The following ASCL5 variants were observed in gnomAD, a reference collection of about 807,000 sequenced individuals.
The protein encoded by ASCL5 is achaete-scute family bHLH transcription factor 5, also known as achaete-scute homolog 5.
For synonymous variants in ASCL5, 124 were observed against 131.5 expected, an observed-to-expected ratio of 0.94 and a Z score of 0.39; for missense variants, 262 against 268.9, an observed-to-expected ratio of 0.97 and a Z score of 0.18.
At chr1:201,119,902 G>T (rs1663414705) in intron 1 of ASCL5, among the ~76,000 whole-genome samples, 1 of 152,056 alleles carries the variant, frequency 6.6e-6, no homozygotes, top group Admixed American at 6.5e-5. Flanking sequence ...TTTTTAAGGG[G>T]CCCTGGTTCC....
intron 1 of ASCL5, among the ~76,000 whole-genome samples, chr1:201,120,814 A>T (rs1371259410): frequency 6.6e-6 from 1 of 152,208 alleles, no homozygotes; most frequent in African/African-American, 2.4e-5. Flanking sequence ...AAGTGATTCC[A>T]TAGTCTTCTT....
At position 201,114,722 on chromosome 1, in the gene ASCL5, C is replaced by T; in HGVS notation, c.*30G>A. 8.1e-7 allele frequency: 1 copy of T among 1,230,388 alleles called. No individual in the cohort carries two copies. Among genetic ancestry groups the T allele is most frequent in the Non-Finnish European group, 1.0e-6 (1 of 987,070 alleles). 76.2% of individuals were successfully genotyped at this position (1,230,388 alleles called of 1,614,324 possible). A position where few individuals can be genotyped will look rare whatever the true frequency, so the allele number is the denominator to read the frequency against. ...AAGTGGGACGGGGCCGGCGGATCATCCTCCAAGCCGGGGGCGGCCACAGGC... is the reference window on the plus strand; with the variant it reads ...AAGTGGGACGGGGCCGGCGGATCATTCTCCAAGCCGGGGGCGGCCACAGGC... On this transcript the variant is annotated 3_prime_UTR_variant, in exon 2 of 2. Coordinates refer to ENST00000449188, the MANE Select transcript of ASCL5 (RefSeq NM_001270601.2).
rs1663322879 is a variant in ASCL5 at position 201,115,576 on chromosome 1, T to G, written c.-204A>C. On this transcript the variant is annotated 5_prime_UTR_variant, in exon 2 of 2. Coordinates refer to ENST00000449188, the MANE Select transcript of ASCL5 (RefSeq NM_001270601.2). ...CATCGCCCTAGACAAGTGTGGCCCC[T>G]CTCAGGAGGTCGGTGCACGCCTTCT... is the stretch of plus-strand genomic sequence containing the variant. 1 of 389,566 alleles carries G rather than the reference T, an allele frequency of 2.6e-6. No individual in the cohort carries two copies. The highest frequency in any genetic ancestry group is 3.8e-5 in the East Asian group (1 of 26,546). 24.1% of individuals were successfully genotyped at this position (389,566 alleles called of 1,614,324 possible). A position where few individuals can be genotyped will look rare whatever the true frequency, so the allele number is the denominator to read the frequency against.
chr1:201,124,125 C>A (rs1253256735), intron 1 of ASCL5, among the ~76,000 whole-genome samples: 1 of 152,174 alleles, frequency 6.6e-6, no homozygotes, highest in Non-Finnish European at 1.5e-5. Flanking sequence ...TCAAAGAAGA[C>A]AAAGAGGAAG....
chr1:201,115,036 C>T lies in ASCL5; in HGVS notation c.337G>A (p.Ala113Thr). 1.3e-5 allele frequency: 16 copies of T among 1,232,080 alleles called. No homozygotes were observed. The highest frequency in any genetic ancestry group is 1.6e-5 in the Non-Finnish European group (16 of 988,270). The allele number at this position is 1,232,080 out of a possible 1,614,324, so 76.3% of individuals were successfully genotyped here. Residue 113 changes from alanine to threonine, a missense_variant, in exon 2 of 2, where the codon GCC (alanine) becomes ACC (threonine). By Grantham distance (58) the Ala-to-Thr change is moderately conservative. Coordinates refer to ENST00000449188, the MANE Select transcript of ASCL5 (RefSeq NM_001270601.2). The stretch of plus-strand genomic sequence containing the variant: ...TTGCTGAGTCGCTTCTCAGCCAGGG[C>T]GCCGGGGAGGTGGCCGCGGAGGCGA... ...YARLRGHLPG[A>T]LAEKRLSKVE...
At chr1:201,121,088 G>T (rs1018625095) in intron 1 of ASCL5, among the ~76,000 whole-genome samples, 1 of 152,156 alleles carries the variant, frequency 6.6e-6, no homozygotes. Context: ...GCAGCTCCCC[G>T]CATTTCCCTC....
intron 1 of ASCL5, among the ~76,000 whole-genome samples, chr1:201,124,217 A>G (rs1663534407): frequency 6.6e-6 from 1 of 152,250 alleles, no homozygotes; most frequent in Non-Finnish European, 1.5e-5. Flanking sequence ...TGAATCCCAG[A>G]AATTCAAGCT....
At position 201,115,145 on chromosome 1, in the gene ASCL5, G is replaced by T. The variant is rs1210404301; in HGVS notation, c.228C>A (p.Tyr76Ter). 3 of 1,231,610 alleles carry T rather than the reference G, an allele frequency of 2.4e-6. No individual in the cohort carries two copies. The highest frequency in any genetic ancestry group is 3.0e-6 in the Non-Finnish European group (3 of 987,978). The allele number at this position is 1,231,610 out of a possible 1,614,324, so 76.3% of individuals were successfully genotyped here. A position where few individuals can be genotyped will look rare whatever the true frequency, so the allele number is the denominator to read the frequency against. Residue 76 changes from tyrosine (Y) to a stop codon, truncating the protein, a stop_gained, in exon 2 of 2, where the codon TAC becomes TAA. Transcript: ENST00000449188. LOFTEE classifies it low-confidence loss of function (END_TRUNC). The part of the protein sequence containing the change: ...YVPFPGAFGV[Y>*]EYPFEPAFIQ... ...TGAAGGCTGGCTCGAAGGGGTATTC[G>T]TAGACCCCGAAGGCGCCGGGGAAGG...
At chr1:201,116,653 A>G (rs1318356884) in intron 1 of ASCL5, among the ~76,000 whole-genome samples, 1 of 152,130 alleles carries the variant, frequency 6.6e-6, no homozygotes, top group Admixed American at 6.5e-5. Flanking sequence ...GGCTTTAGGA[A>G]GTTGTTATTT....
At chr1:201,123,851 C>T (rs942703) in intron 1 of ASCL5, among the ~76,000 whole-genome samples, 39,957 of 152,084 alleles carry the variant, frequency 0.26, 5,558 homozygotes, top group East Asian at 0.5. Context: ...AAAACTGCTC[C>T]GTACTTTGCC....
chr1:201,115,264 C>T lies in ASCL5; in HGVS notation c.109G>A (p.Ala37Thr). The change falls in exon 2 of 2, where the codon GCC becomes ACC. Residue 37 changes from alanine (A) to threonine (T), a missense_variant. By Grantham distance (58) the Ala-to-Thr change is moderately conservative (BLOSUM62 0). Coordinates refer to ENST00000449188, the MANE Select transcript of ASCL5 (RefSeq NM_001270601.2). ...AAGGGCACGTTGCCCAGGGGCTCGG[C>T]GGGGGGCAGGGGCGCCTGCCGGGGA... ...PPPRQAPLPP[A>T]EPLGNVPFLL... 8.7e-7 allele frequency: 1 copy of T among 1,143,396 alleles called. No homozygotes were observed. Among genetic ancestry groups the T allele is most frequent in the East Asian group, 4.0e-5 (1 of 24,904 alleles). 70.8% of individuals were successfully genotyped at this position (1,143,396 alleles called of 1,614,324 possible).
At chr1:201,120,930 C>T (rs923351477) in intron 1 of ASCL5, among the ~76,000 whole-genome samples, 4 of 152,186 alleles carry the variant, frequency 2.6e-5, no homozygotes, top group Non-Finnish European at 4.4e-5. Context: ...TACCCACTGC[C>T]GCCAAAAACT....
At position 201,114,909 on chromosome 1, in the gene ASCL5, G is replaced by C. The variant is rs1558093855; in HGVS notation, c.464C>G (p.Pro155Arg). The stretch of plus-strand genomic sequence containing the variant: ...CGGCGCGGGGCAGGGCCCGGTGCCC[G>C]GGAGGCCGCGGGAAGCGGGGGGCGT... ...GSTPPASRGLPGTGPCPAPPA... is the reference protein window; with the variant it reads ...GSTPPASRGLRGTGPCPAPPA... Residue 155 changes from proline (P) to arginine (R), a missense_variant, in exon 2 of 2, where the codon CCG becomes CGG. Pro to Arg is a moderately radical substitution (Grantham distance 103). Transcript: ENST00000449188. 1 of 1,230,262 alleles carries C rather than the reference G, an allele frequency of 8.1e-7. No homozygotes were observed. 76.2% of individuals were successfully genotyped at this position (1,230,262 alleles called of 1,614,324 possible). A position where few individuals can be genotyped will look rare whatever the true frequency, so the allele number is the denominator to read the frequency against.
chr1:201,122,969 C>A (rs1663512587), intron 1 of ASCL5, among the ~76,000 whole-genome samples: 1 of 152,174 alleles, frequency 6.6e-6, no homozygotes, highest in South Asian at 2.1e-4. Context: ...AGCCACGTGG[C>A]ACCTAAAAGC....
intron 1 of ASCL5, among the ~76,000 whole-genome samples, chr1:201,116,278 T>C (rs1372352510): frequency 6.6e-6 from 1 of 152,210 alleles, no homozygotes; most frequent in Non-Finnish European, 1.5e-5. Context: ...GGTCTGAGAC[T>C]GCTTATTGGA....
intron 1 of ASCL5, among the ~76,000 whole-genome samples, chr1:201,125,443 G>A (rs10158900): frequency 0.23 from 34,702 of 152,048 alleles, 5,080 homozygotes; most frequent in African/African-American, 0.42. Flanking sequence ...GCTCCTTTCC[G>A]GGAGAATTAG....
At chr1:201,119,891 C>T (rs185676999) in intron 1 of ASCL5, among the ~76,000 whole-genome samples, 294 of 152,210 alleles carry the variant, frequency 1.9e-3, no homozygotes, top group African/African-American at 6.1e-3. Flanking sequence ...TGCTGTCCAC[C>T]TTTTTAAGGG....
chr1:201,113,945 G>A lies in ASCL5; in HGVS notation c.*807C>T, dbSNP rs888084989. Reference sequence around the variant, plus strand: ...AAGGGTGAGGGTAGACAATGATCTAGGAATGAGAAAATTCAACAATCCTTT... The same window carrying A: ...AAGGGTGAGGGTAGACAATGATCTAAGAATGAGAAAATTCAACAATCCTTT... On this transcript the variant is annotated 3_prime_UTR_variant, in exon 2 of 2. Coordinates refer to ENST00000449188, the MANE Select transcript of ASCL5 (RefSeq NM_001270601.2). 1.3e-5 allele frequency: 2 copies of A among 152,180 alleles called. No individual in the cohort carries two copies. The highest frequency in any genetic ancestry group is 2.1e-4 in the South Asian group (1 of 4,820). 9.4% of individuals were successfully genotyped at this position (152,180 alleles called of 1,614,324 possible).
At chr1:201,123,769 C>T (rs1663526842) in intron 1 of ASCL5, among the ~76,000 whole-genome samples, 1 of 152,192 alleles carries the variant, frequency 6.6e-6, no homozygotes, top group African/African-American at 2.4e-5. Context: ...CTCAGGAGCC[C>T]GACACCTGGA....
Sources: gnomAD v4.1 joint callset for allele counts (sites outside exome capture counted in the v4.1 genomes callset) on GRCh38, gnomAD v4.1.1 for gene constraint, MANE v1.5 for transcripts, NCBI Gene and HGNC (gene_info 2026-07-23, HGNC 2026-07-21) for gene names.